The following TNIP1 variants were observed in gnomAD, a reference collection of about 807,000 sequenced individuals.
TNIP1 encodes TNFAIP3 interacting protein 1.
A neutral mutation model predicts 86.6 loss-of-function variants in TNIP1; 22 were observed. The ratio of observed to expected loss-of-function variants is 0.25; its 90% CI spans 0.18 to 0.36. The LOEUF (loss-of-function observed/expected upper bound fraction) is 0.36. TNIP1 is among the 10% of genes least tolerant of loss of function. The pLI is 1.00. For synonymous variants in TNIP1, 294 were observed against 313.0 expected, an observed-to-expected ratio of 0.94 and a Z score of 0.64; for missense variants, 709 against 820.6, an observed-to-expected ratio of 0.86 and a Z score of 1.66.
At chr5:151,063,934 T>TAG (rs1761910902) in intron 2 of TNIP1, among the ~76,000 whole-genome samples, 187 bp from the exon 3 acceptor site, 1 of 152,094 alleles carries the variant, frequency 6.6e-6, no homozygotes, top group African/African-American at 2.4e-5. Context: ...AGAAACAGGC[T>TAG]AGAGCAAGGA....
chr5:151,077,775 C>T (rs1043154349), intron 1 of TNIP1, among the ~76,000 whole-genome samples: 1 of 152,240 alleles, frequency 6.6e-6, no homozygotes, highest in Non-Finnish European at 1.5e-5. Flanking sequence ...GATGCATGCT[C>T]ATGTTTGTGA....
intron 8 of TNIP1, 107 bp downstream of exon 8, chr5:151,049,717 C>G (rs1445176991): frequency 1.5e-6 from 2 of 1,358,990 alleles, no homozygotes; most frequent in Non-Finnish European, 2.1e-6. Flanking sequence ...CCTTCTACCA[C>G]TGGCACTGGC....
intron 9 of TNIP1, among the ~76,000 whole-genome samples, chr5:151,045,341 C>T (rs527524927): frequency 1.3e-5 from 2 of 152,328 alleles, no homozygotes; most frequent in African/African-American, 4.8e-5. Context: ...CCACCCGCCT[C>T]AGCCTCCCAA....
intron 8 of TNIP1, among the ~76,000 whole-genome samples, chr5:151,046,879 G>C (rs1451740613): frequency 6.6e-6 from 1 of 152,022 alleles, no homozygotes. Flanking sequence ...TGGGGGAGAA[G>C]GGACAGCTCT....
rs1031198501 is a variant in TNIP1, at chr5:151,065,212, G to A, written c.-36-81C>T. 5 of 1,230,828 alleles carry A rather than the reference G, an allele frequency of 4.1e-6. No homozygotes were observed. In the African/African-American group the frequency reaches 7.5e-5, roughly 19 times the overall value. 76.2% of individuals were successfully genotyped at this position (1,230,828 alleles called of 1,614,324 possible). On this transcript the variant is annotated intron_variant, in intron 1 of 17. Coordinates refer to ENST00000521591, the MANE Select transcript of TNIP1 (RefSeq NM_006058.5). ...TGCAGAGAAGCTCTAGTCTGTCAAT[G>A]CCCCAGAAGGCAGTCCCCCACTTTA...
At chr5:151,057,057 TC>T in intron 5 of TNIP1, 100 bp from the exon 6 acceptor site, 2 of 1,195,604 alleles carry the variant, frequency 1.7e-6, no homozygotes, top group Non-Finnish European at 2.2e-6. Context: ...TGACTCAGTT[TC>T]CCCCTGTGAC....
chr5:151,060,805 TA>T, intron 4 of TNIP1, among the ~76,000 whole-genome samples: 1 of 152,374 alleles, frequency 6.6e-6, no homozygotes, highest in South Asian at 2.1e-4. Context: ...TACAGTTGGT[TA>T]ATGCAAAAGC....
At chr5:151,082,548 A>G (rs1486632551), upstream of TNIP1, among the ~76,000 whole-genome samples, 3 of 152,208 alleles carry the variant, frequency 2.0e-5, no homozygotes, top group East Asian at 1.9e-4. Flanking sequence ...CCTATTCCCA[A>G]CCCACATCTT....
At chr5:151,060,750 G>C (rs1026401770) in intron 4 of TNIP1, among the ~76,000 whole-genome samples, 2 of 152,242 alleles carry the variant, frequency 1.3e-5, no homozygotes, top group Non-Finnish European at 2.9e-5. Context: ...CATGGAGTGG[G>C]TCAGAAGGTT....
chr5:151,063,857 C>T, intron 2 of TNIP1, 110 bp from the exon 3 acceptor site: 1 of 1,375,134 alleles, frequency 7.3e-7, no homozygotes, highest in Non-Finnish European at 9.9e-7. Flanking sequence ...AGGCTCCAGG[C>T]CCTGGACTTC....
At chr5:151,061,993 C>T in intron 4 of TNIP1, 134 bp downstream of exon 4, 1 of 791,926 alleles carries the variant, frequency 1.3e-6, no homozygotes, top group Non-Finnish European at 2.0e-6. Context: ...TTGCGATGGA[C>T]TTGCCCAATA....
rs768464490 is a variant in TNIP1 at position 151,039,758 on chromosome 5, G to A, written c.1135-533C>T. 2.2e-4 allele frequency among the ~76,000 whole-genome samples: 34 copies of A among 152,354 alleles called. 1 individual carries two copies. In the Middle Eastern group the frequency reaches 0.017, roughly 76 times the overall value. Reference sequence around the variant, plus strand: ...CAGACACTGCAGCTCATACAGCCTTGGAGCCTAGAGGAGAGATGACACGCC... The same window carrying A: ...CAGACACTGCAGCTCATACAGCCTTAGAGCCTAGAGGAGAGATGACACGCC... On this transcript the variant is annotated intron_variant, in intron 11 of 17. Coordinates refer to ENST00000521591, the MANE Select transcript of TNIP1 (RefSeq NM_006058.5).
At chr5:151,052,352 C>G (rs1440268481) in intron 6 of TNIP1, 93 bp from the exon 7 acceptor site, 1 of 1,033,652 alleles carries the variant, frequency 9.7e-7, no homozygotes, top group African/African-American at 1.6e-5. Flanking sequence ...CTGTAGCCAC[C>G]CCAGGGCCCA....
rs1484710920 is a variant in TNIP1 at position 151,063,729 on chromosome 5, G to A, written c.155C>T (p.Ser52Phe). 12 of 1,613,866 alleles carry A rather than the reference G, an allele frequency of 7.4e-6. No individual in the cohort carries two copies. The Admixed American group carries it at 1.8e-4, about 25-fold the overall frequency. ...CCGGAGCCTGGTCGCTTCCATCTGG[G>A]ACTCTTCCAAAAGCTCCCCTAGAGT... Reference protein sequence around the residue: ...IKMLGELLEESQMEATRLRQK... With the variant: ...IKMLGELLEEFQMEATRLRQK... Residue 52 changes from serine (S) to phenylalanine (F), a missense_variant, in exon 3 of 18, where the codon TCC becomes TTC. Ser to Phe is a radical substitution (Grantham distance 155). Transcript: ENST00000521591.
At position 151,030,411 on chromosome 5, in the gene TNIP1, C is replaced by T; in HGVS notation, c.*302G>A. On this transcript the variant is annotated 3_prime_UTR_variant, in exon 18 of 18. Coordinates refer to ENST00000521591, the MANE Select transcript of TNIP1 (RefSeq NM_006058.5). ...GCCTCCCACTCTTAGGATTGCTGCT[C>T]CTGGAGGCTTCTGCAACGGATGGTG... 1.9e-6 allele frequency: 1 copy of T among 521,164 alleles called. No homozygotes were observed. The allele number at this position is 521,164 out of a possible 1,614,324, so 32.3% of individuals were successfully genotyped here. A position where few individuals can be genotyped will look rare whatever the true frequency, so the allele number is the denominator to read the frequency against.
At chr5:151,054,552 G>A (rs1455859434) in intron 6 of TNIP1, among the ~76,000 whole-genome samples, 2 of 152,142 alleles carry the variant, frequency 1.3e-5, no homozygotes, top group African/African-American at 4.8e-5. Flanking sequence ...GCATAAGGGC[G>A]CATGCATGTA....
rs1236573883 is a variant in TNIP1, at chr5:151,030,479, A to G, written c.*234T>C. ...GCCTCTCTCCACTCAGCAGCAGGGA[A>G]GGAGTTTTTCCCAGTCACTCCCAGC... On this transcript the variant is annotated 3_prime_UTR_variant, in exon 18 of 18. Transcript: ENST00000521591. 4 of 609,712 alleles carry G rather than the reference A, an allele frequency of 6.6e-6. No individual in the cohort carries two copies. The highest frequency in any genetic ancestry group is 1.1e-5 in the Non-Finnish European group (4 of 352,762). The allele number at this position is 609,712 out of a possible 1,614,324, so 37.8% of individuals were successfully genotyped here.
intron 11 of TNIP1, among the ~76,000 whole-genome samples, chr5:151,041,195 C>T (rs896090999): frequency 6.6e-6 from 1 of 151,920 alleles, no homozygotes; most frequent in East Asian, 1.9e-4. Flanking sequence ...CTCAGTCTAC[C>T]GAGTAGCTGG....
In TNIP1 at chr5:151,039,242, G is replaced by A; in HGVS notation, c.1135-17C>T. Reference sequence around the variant, plus strand: ...CTTGTCGGTCTGCAGGGAATACAAGGTTGGTAAGCTGGCTAGGATGGCCTC... The same window carrying A: ...CTTGTCGGTCTGCAGGGAATACAAGATTGGTAAGCTGGCTAGGATGGCCTC... On this transcript the variant is annotated splice_polypyrimidine_tract_variant and intron_variant, in intron 11 of 17. Coordinates refer to ENST00000521591, the MANE Select transcript of TNIP1 (RefSeq NM_006058.5). 1 of 1,608,424 alleles carries A rather than the reference G, an allele frequency of 6.2e-7. No homozygotes were observed. The highest frequency in any genetic ancestry group is 8.5e-7 in the Non-Finnish European group (1 of 1,178,740).
Sources: gnomAD v4.1 joint callset for allele counts (sites outside exome capture counted in the v4.1 genomes callset) on GRCh38, gnomAD v4.1.1 for gene constraint, MANE v1.5 for transcripts, NCBI Gene and HGNC (gene_info 2026-07-23, HGNC 2026-07-21) for gene names.